Variants in CLCN1 observed in about 807,000 individuals in gnomAD.
CLCN1 encodes the protein chloride voltage-gated channel 1.
In CLCN1, 100 loss-of-function variants were observed where a neutral mutation model predicts 114.5. That is an observed-to-expected ratio of 0.87 (90% confidence interval 0.74 to 1.03). CLCN1 has a LOEUF of 1.03. Ranked by LOEUF, CLCN1 falls within the 50% of genes least tolerant of loss-of-function variation. CLCN1 has a pLI of 0.00. For missense variants in CLCN1, 1,188 were observed against 1,250.0 expected (o/e 0.95, Z 0.75); for synonymous variants, 485 against 487.1 (o/e 1.00, Z 0.06).
intron 12 of CLCN1, among the ~76,000 whole-genome samples, chr7:143,336,758 T>C (rs1165655577): frequency 6.6e-6 from 1 of 152,204 alleles, no homozygotes; most frequent in Non-Finnish European, 1.5e-5. Flanking sequence ...CTAAAAAAGT[T>C]TGTTAATCTC....
chr7:143,335,654 C>CT (rs1241433806), intron 12 of CLCN1, among the ~76,000 whole-genome samples: 4 of 114,218 alleles, frequency 3.5e-5, no homozygotes, highest in African/African-American at 1.0e-4. Context: ...CTCAATTCAG[C>CT]TGTTTTGTTT....
intron 6 of CLCN1, chr7:143,323,814 T>G (rs1244771371): frequency 4.2e-6 from 2 of 475,272 alleles, no homozygotes; most frequent in Non-Finnish European, 8.7e-6. Flanking sequence ...GCTTCTCTGT[T>G]GCAGACCGTG....
chr7:143,331,336 C>T lies in CLCN1; in HGVS notation c.1064+20C>T. 6.4e-7 allele frequency: 1 copy of T among 1,551,288 alleles called. No homozygotes were observed. Reference sequence around the variant, plus strand: ...CATCGGGTCAGTGGGGTTACCTGCTCTGTGTGTGGTGAGCAGGGTGTGGAG... The same window carrying T: ...CATCGGGTCAGTGGGGTTACCTGCTTTGTGTGTGGTGAGCAGGGTGTGGAG... On this transcript the variant is annotated intron_variant, in intron 9 of 22. Coordinates refer to ENST00000343257, the MANE Select transcript of CLCN1 (RefSeq NM_000083.3).
chr7:143,322,609 A>G (rs1289146211), intron 5 of CLCN1, among the ~76,000 whole-genome samples: 1 of 151,960 alleles, frequency 6.6e-6, no homozygotes, highest in Non-Finnish European at 1.5e-5. Context: ...TGCAACCTCC[A>G]CCTCCCAGGT....
chr7:143,331,187 T>A (rs1203321093), intron 8 of CLCN1, 45 bp from the exon 9 acceptor site: 3 of 1,380,574 alleles, frequency 2.2e-6, no homozygotes, highest in Non-Finnish European at 2.1e-6. Context: ...CCCTGTTGGG[T>A]TTCTACGAAG....
At chr7:143,344,077 C>T (rs1328796986) in intron 16 of CLCN1, among the ~76,000 whole-genome samples, 3 of 152,138 alleles carry the variant, frequency 2.0e-5, no homozygotes, top group African/African-American at 7.2e-5. Flanking sequence ...TGACCTCAGG[C>T]GATCCACCAG....
chr7:143,321,823 G>A lies in CLCN1; in HGVS notation c.671G>A (p.Gly224Asp). Residue 224 changes from glycine (G) to aspartate (D), a missense_variant, in exon 5 of 23, where the codon GGC (glycine) becomes GAC (aspartate). Gly to Asp is a moderately conservative substitution (Grantham distance 94). Transcript: ENST00000343257. This position sits in a 1 kb window ranked among gnomAD's most constrained non-coding sequence, Gnocchi z 4.2. ...GTTGTCGCCCTGACTGCGGGCCTGG[G>A]CAGTGGCATCCCCGTGGGGAAAGAG... The part of the protein sequence containing the change: ...AKVVALTAGL[G>D]SGIPVGKEGP... 1 of 1,614,230 alleles carries A rather than the reference G, an allele frequency of 6.2e-7. No individual in the cohort carries two copies. The highest frequency in any genetic ancestry group is 8.5e-7 in the Non-Finnish European group (1 of 1,180,040).
At chr7:143,328,267 G>A (rs1310598099) in intron 7 of CLCN1, among the ~76,000 whole-genome samples, 1 of 152,070 alleles carries the variant, frequency 6.6e-6, no homozygotes, top group East Asian at 1.9e-4. Context: ...AATTGAGAGA[G>A]AAAGTGTGTC....
At chr7:143,332,324 CGGTG>C (rs1413769957) in intron 10 of CLCN1, 91 bp from the exon 11 acceptor site, 21 of 925,648 alleles carry the variant, frequency 2.3e-5, no homozygotes, top group Non-Finnish European at 9.1e-6. Context: ...AATGAGACTA[CGGTG>C]GACTAAAGGA....
intron 1 of CLCN1, among the ~76,000 whole-genome samples, chr7:143,317,438 G>A (rs1393427848): frequency 6.6e-6 from 1 of 151,998 alleles, no homozygotes; most frequent in Non-Finnish European, 1.5e-5. Context: ...CAGTAGAGAC[G>A]GGGTTTTGCC....
Position 143,345,591 on chromosome 7 carries a change from T to C in CLCN1, c.2001T>C (p.Pro667=). ...LQALLQRHLC[P]ERRLRAAQEM... ...CCCTCCTGCAGCGCCACCTGTGTCC[T>C]GAGCGCAGGCTGCGCGCAGCCCAAG... Residue 667 remains proline (P), a synonymous_variant, in exon 17 of 23, where the codon CCT becomes CCC. Transcript: ENST00000343257. The C allele has an allele frequency of 2.6e-6, 4 of 1,551,962 alleles. No individual in the cohort carries two copies. The highest frequency in any genetic ancestry group is 2.4e-5 in the South Asian group (2 of 84,120).
At chr7:143,333,282 CAG>C (rs757778746) in intron 12 of CLCN1, among the ~76,000 whole-genome samples, 1 of 146,606 alleles carries the variant, frequency 6.8e-6, no homozygotes, top group Admixed American at 7.0e-5. Flanking sequence ...GCCTGGGTGA[CAG>C]AGTGTGATTC....
At chr7:143,340,586 G>A (rs755017272) in intron 14 of CLCN1, among the ~76,000 whole-genome samples, 10 of 151,984 alleles carry the variant, frequency 6.6e-5, no homozygotes, top group Non-Finnish European at 1.5e-4. Context: ...GCCCAGGAGT[G>A]CAGTGGCGCA....
chr7:143,346,091 C>A, intron 17 of CLCN1, 49 bp from the exon 18 acceptor site: 1 of 1,225,888 alleles, frequency 8.2e-7, no homozygotes, highest in South Asian at 1.2e-5. Flanking sequence ...GCAGTGAAGG[C>A]CCAGGCAGTC....
intron 10 of CLCN1, 55 bp from the exon 11 acceptor site, chr7:143,332,364 T>C: frequency 1.6e-6 from 2 of 1,272,030 alleles, no homozygotes; most frequent in East Asian, 2.3e-5. Flanking sequence ...TCGTTCAGTA[T>C]GGTATTTACT....
In CLCN1 at chr7:143,328,810, G is replaced by T. The variant is rs1279270184; in HGVS notation, c.854-1962G>T. ...CTCTGTCTGCCCCACATTGCCCATTGCCTTTCTCTGTTTCCTGAAATTCTG... is the reference window on the plus strand; with the variant it reads ...CTCTGTCTGCCCCACATTGCCCATTTCCTTTCTCTGTTTCCTGAAATTCTG... On this transcript the variant is annotated intron_variant, in intron 7 of 22. Transcript: ENST00000343257. Among the ~76,000 whole-genome samples the T allele has an allele frequency of 2.0e-5, 3 of 152,016 alleles. No homozygotes were observed. In the East Asian group the frequency reaches 5.8e-4, roughly 29 times the overall value.
chr7:143,347,055 C>A, intron 20 of CLCN1, 106 bp downstream of exon 20: 4 of 1,024,206 alleles, frequency 3.9e-6, no homozygotes, highest in South Asian at 3.8e-5. Flanking sequence ...AGAATGTGGT[C>A]TGGATGGGAA....
chr7:143,335,572 A>G (rs1171591575), intron 12 of CLCN1, among the ~76,000 whole-genome samples: 3 of 151,604 alleles, frequency 2.0e-5, no homozygotes, highest in Non-Finnish European at 2.9e-5. Context: ...GACTGAAACA[A>G]TTTTTCCAGT....
chr7:143,330,635 A>G (rs1256174463), intron 7 of CLCN1, 137 bp from the exon 8 acceptor site: 3 of 1,157,968 alleles, frequency 2.6e-6, no homozygotes, highest in Non-Finnish European at 3.8e-6. Context: ...ATGGGAATCC[A>G]AGAGATCATT....
Sources: gnomAD v4.1 joint callset for allele counts (sites outside exome capture counted in the v4.1 genomes callset) on GRCh38, gnomAD v4.1.1 for gene constraint, Gnocchi (gnomAD v3.1) non-coding constraint, MANE v1.5 for transcripts, NCBI Gene and HGNC (gene_info 2026-07-23, HGNC 2026-07-21) for gene names.